USO1: variants seen among roughly 807,000 people sequenced by gnomAD.
The protein encoded by USO1 is general vesicular transport factor p115.
USO1 carries 57 observed loss-of-function variants against 124.5 expected under a neutral mutation model. The ratio of observed to expected loss-of-function variants is 0.46; its 90% CI spans 0.37 to 0.57. USO1 has a LOEUF of 0.57. Ranked by LOEUF, USO1 falls within the 20% of genes least tolerant of loss-of-function variation. The pLI is 0.00. For missense variants in USO1, 900 were observed against 1,040.6 expected, an observed-to-expected ratio of 0.86 and a Z score of 1.86; for synonymous variants, 369 against 362.8, an observed-to-expected ratio of 1.02 and a Z score of -0.19.
chr4:75,758,543 A>T (rs72649482), intron 4 of USO1, among the ~76,000 whole-genome samples: 6,219 of 152,286 alleles, frequency 0.041, 165 homozygotes, highest in Non-Finnish European at 0.061. Context: ...AAACTGGATC[A>T]TGTTGCATAG....
chr4:75,793,018 G>T (rs565240651), intron 12 of USO1, among the ~76,000 whole-genome samples: 11 of 151,912 alleles, frequency 7.2e-5, no homozygotes, highest in African/African-American at 2.4e-4. Flanking sequence ...TTACATACCT[G>T]GCTTATTTCA....
At chr4:75,802,727 T>C (rs1232858359) in intron 17 of USO1, among the ~76,000 whole-genome samples, 1 of 145,770 alleles carries the variant, frequency 6.9e-6, no homozygotes, top group Non-Finnish European at 1.5e-5. Context: ...CCATTTTTCT[T>C]TTTCTTTTCT....
At chr4:75,786,387 G>A (rs1034621340) in intron 9 of USO1, among the ~76,000 whole-genome samples, 1 of 152,060 alleles carries the variant, frequency 6.6e-6, no homozygotes, top group Non-Finnish European at 1.5e-5. Context: ...AGAAGATTTT[G>A]CACATATATA....
chr4:75,788,848 TTTCTAAAAAAAAGAA>T (rs2149180178), intron 10 of USO1, among the ~76,000 whole-genome samples: 1 of 152,230 alleles, frequency 6.6e-6, no homozygotes, highest in South Asian at 2.1e-4. Flanking sequence ...TTGTCTTAAT[TTTCTAAAAAAAAGAA>T]TAAGTAACGA....
rs149140471 is a variant in USO1, at chr4:75,782,531, G to A, written c.677-149G>A. 26 of 1,041,994 alleles carry A rather than the reference G, an allele frequency of 2.5e-5. No homozygotes were observed. The African/African-American group carries it at 4.0e-4, about 16-fold the overall frequency. 64.5% of individuals were successfully genotyped at this position (1,041,994 alleles called of 1,614,324 possible). A position where few individuals can be genotyped will look rare whatever the true frequency, so the allele number is the denominator to read the frequency against. The stretch of plus-strand genomic sequence containing the variant: ...AGAAAGAGCATGCAGGTTATGGCCT[G>A]TGGCCATCAGGTGTCAGAGCAGACT... On this transcript the variant is annotated intron_variant, in intron 8 of 23. Transcript: ENST00000514213.
At chr4:75,736,181 G>A (rs751686758) in intron 1 of USO1, among the ~76,000 whole-genome samples, 2 of 151,762 alleles carry the variant, frequency 1.3e-5, no homozygotes, top group African/African-American at 4.8e-5. Context: ...TACTAGTTTG[G>A]CATAAATCCT....
chr4:75,758,307 G>A (rs748279388), intron 4 of USO1, among the ~76,000 whole-genome samples: 7 of 152,144 alleles, frequency 4.6e-5, no homozygotes, highest in South Asian at 2.1e-4. Context: ...ACAGTAGGAC[G>A]TAGTAGATTT....
At chr4:75,792,830 C>G (rs1179932104) in intron 12 of USO1, among the ~76,000 whole-genome samples, 2 of 152,104 alleles carry the variant, frequency 1.3e-5, no homozygotes, top group African/African-American at 4.8e-5. Flanking sequence ...CTCTAACTTC[C>G]CACTACCCTG....
intron 9 of USO1, among the ~76,000 whole-genome samples, chr4:75,783,613 C>T (rs572958417): frequency 1.0e-3 from 158 of 152,194 alleles, no homozygotes; most frequent in African/African-American, 3.7e-3. Flanking sequence ...CTGTGTTTCT[C>T]GGAAGTTGTG....
chr4:75,732,315 T>A (rs529472242), intron 1 of USO1, among the ~76,000 whole-genome samples: 85 of 152,354 alleles, frequency 5.6e-4, no homozygotes, highest in Non-Finnish European at 9.0e-4. Context: ...CAGCTGCATC[T>A]ATGTTGCTGC....
intron 1 of USO1, among the ~76,000 whole-genome samples, chr4:75,739,505 T>TA (rs949895387): frequency 1.3e-5 from 2 of 151,866 alleles, no homozygotes; most frequent in Non-Finnish European, 2.9e-5. Context: ...TGTTTAGTGT[T>TA]ATGCTTTTTG....
rs371635803 is a variant in USO1, at chr4:75,794,532, TC to T, written c.1452+635del. Reference sequence around the variant, plus strand: ...GAATGTCACTTTTTGTTATGTGATTTCCCCACATGTACCAGCCTTGCTATTG... The same window carrying T: ...GAATGTCACTTTTTGTTATGTGATTTCCCACATGTACCAGCCTTGCTATTG... On this transcript the variant is annotated intron_variant, in intron 13 of 23. Coordinates refer to ENST00000514213, the MANE Select transcript of USO1 (RefSeq NM_003715.4). Among the ~76,000 whole-genome samples, 872 of 152,334 alleles carry T rather than the reference TC, an allele frequency of 5.7e-3. 16 individuals carry two copies. Among genetic ancestry groups the T allele is most frequent in the African/African-American group, 0.02 (816 of 41,566 alleles).
chr4:75,798,074 G>C (rs1722740995), intron 13 of USO1, among the ~76,000 whole-genome samples: 1 of 151,992 alleles, frequency 6.6e-6, no homozygotes. Flanking sequence ...ATACCATTTT[G>C]ATTAGGTTCA....
intron 1 of USO1, among the ~76,000 whole-genome samples, chr4:75,733,965 T>C (rs2149138832): frequency 8.3e-6 from 1 of 119,780 alleles, no homozygotes; most frequent in Non-Finnish European, 1.7e-5. Context: ...TTTTTTTGAG[T>C]AGGAGTCTGG....
At chr4:75,804,749 A>G (rs1003870072) in intron 18 of USO1, among the ~76,000 whole-genome samples, 1 of 152,246 alleles carries the variant, frequency 6.6e-6, no homozygotes, top group East Asian at 1.9e-4. Context: ...TGATATAATA[A>G]ATGAAAAATT....
rs576808668 is a variant in USO1, at chr4:75,768,140, C to G, written c.296-2299C>G. On this transcript the variant is annotated intron_variant, in intron 4 of 23. Coordinates refer to ENST00000514213, the MANE Select transcript of USO1 (RefSeq NM_003715.4). The stretch of plus-strand genomic sequence containing the variant: ...CAAGGGATCCTCCCACCTCAGCCTC[C>G]CGAGTAGCTGGGACTACAGGCATGC... 9.8e-5 allele frequency among the ~76,000 whole-genome samples: 15 copies of G among 152,302 alleles called. No homozygotes were observed. In the East Asian group the frequency reaches 2.7e-3, roughly 27 times the overall value.
intron 8 of USO1, among the ~76,000 whole-genome samples, chr4:75,778,841 A>G (rs114872654): frequency 0.011 from 1,669 of 152,280 alleles, 36 homozygotes; most frequent in African/African-American, 0.038. Flanking sequence ...CATTAATGCA[A>G]TATATTAATG....
intron 12 of USO1, among the ~76,000 whole-genome samples, 171 bp downstream of exon 12, chr4:75,790,968 A>G (rs934294950): frequency 6.6e-6 from 1 of 151,504 alleles, no homozygotes; most frequent in Admixed American, 6.6e-5. Context: ...TTTAGACAAC[A>G]GGCTTTGGAG....
chr4:75,752,745 C>T lies in USO1; in HGVS notation c.218+141C>T, dbSNP rs1577937148. ...TTTGCCATGTTGCCCACGCTGGTCT[C>T]GAACTCCTGGGCTCAGGCGATCTGC... is the stretch of plus-strand genomic sequence containing the variant. On this transcript the variant is annotated intron_variant, in intron 3 of 23. Coordinates refer to ENST00000514213, the MANE Select transcript of USO1 (RefSeq NM_003715.4). 46 of 383,494 alleles carry T rather than the reference C, an allele frequency of 1.2e-4. No homozygotes were observed. The East Asian group carries it at 1.6e-3, about 13-fold the overall frequency. The allele number at this position is 383,494 out of a possible 1,614,324, so 23.8% of individuals were successfully genotyped here. A position where few individuals can be genotyped will look rare whatever the true frequency, so the allele number is the denominator to read the frequency against.
Sources: allele counts gnomAD v4.1 joint callset (sites outside exome capture counted in the v4.1 genomes callset), GRCh38; gene constraint gnomAD v4.1.1; transcripts MANE v1.5; gene names NCBI Gene and HGNC (gene_info 2026-07-23, HGNC 2026-07-21).